The following CSMD3 variants were observed in gnomAD, a reference collection of about 807,000 sequenced individuals.
CSMD3 encodes CUB and sushi domain-containing protein 3.
CSMD3 carries 177 observed loss-of-function variants against 435.2 expected under a neutral mutation model. The observed-to-expected ratio is 0.41, with a 90% confidence interval of 0.36 to 0.46. The LOEUF (loss-of-function observed/expected upper bound fraction) is 0.46, where lower values mean the gene tolerates loss of function less well. Among genes scored for constraint, CSMD3 ranks in the 20% least tolerant of loss-of-function variants. CSMD3 has a pLI of 0.34. For synonymous variants in CSMD3, 1,656 were observed against 1,520.5 expected (o/e 1.09, Z -2.07); for missense variants, 4,265 against 4,504.6 (o/e 0.95, Z 1.52).
intron 10 of CSMD3, among the ~76,000 whole-genome samples, chr8:112,870,985 G>A (rs1010136979): frequency 6.6e-6 from 1 of 152,024 alleles, no homozygotes. Context: ...CAGTAATTTC[G>A]GAGTTTTTCT....
rs768139354 is a variant in CSMD3, at chr8:112,645,146, C to T, written c.3273G>A (p.Leu1091=). The T allele has an allele frequency of 2.5e-6, 4 of 1,605,204 alleles. No individual in the cohort carries two copies. In the Admixed American group the frequency reaches 6.7e-5, roughly 27 times the overall value. ...PGYPEFYPNS[L]NCTWTVDVTH... ...TTACATCAACAGTCCATGTACAATT[C>T]AGAGAATTTGGATAAAATTCCGGGT... Residue 1091 remains leucine, a synonymous_variant, in exon 20 of 71, where the codon CTG becomes CTA. Transcript: ENST00000297405.
At chr8:112,476,755 G>A (rs1427260567) in intron 31 of CSMD3, among the ~76,000 whole-genome samples, 1 of 152,092 alleles carries the variant, frequency 6.6e-6, no homozygotes, top group African/African-American at 2.4e-5. Context: ...TTCTAGATTT[G>A]CTCTCCCTGA....
chr8:112,420,293 G>C (rs1307309252), intron 32 of CSMD3, among the ~76,000 whole-genome samples: 1 of 151,976 alleles, frequency 6.6e-6, no homozygotes, highest in Non-Finnish European at 1.5e-5. Context: ...CCCCAACCTG[G>C]AGTACTTTTA....
At chr8:112,881,353 G>A (rs566728263) in intron 10 of CSMD3, among the ~76,000 whole-genome samples, 2 of 151,970 alleles carry the variant, frequency 1.3e-5, no homozygotes, top group African/African-American at 4.8e-5. Context: ...ATAATGGAAG[G>A]CATGGTAAAG....
At chr8:113,083,943 A>G (rs948036447) in intron 5 of CSMD3, among the ~76,000 whole-genome samples, 5 of 152,170 alleles carry the variant, frequency 3.3e-5, no homozygotes, top group Non-Finnish European at 5.9e-5. Flanking sequence ...TTTGCCCTCC[A>G]GTCTGGACAA....
intron 5 of CSMD3, among the ~76,000 whole-genome samples, chr8:113,065,809 T>C (rs1275953137): frequency 6.6e-6 from 1 of 152,156 alleles, no homozygotes; most frequent in Non-Finnish European, 1.5e-5. Flanking sequence ...AGTTATTAAT[T>C]AGGTTCACAA....
chr8:112,267,786 C>T (rs931522641), intron 59 of CSMD3, among the ~76,000 whole-genome samples: 1 of 152,116 alleles, frequency 6.6e-6, no homozygotes, highest in Non-Finnish European at 1.5e-5. Context: ...AAATGCGTGA[C>T]AACAAAAGCT....
chr8:113,014,656 C>T (rs1332138526), intron 6 of CSMD3, among the ~76,000 whole-genome samples: 1 of 152,056 alleles, frequency 6.6e-6, no homozygotes, highest in Non-Finnish European at 1.5e-5. Context: ...TGAAATATTA[C>T]AACACATTAT....
intron 1 of CSMD3, among the ~76,000 whole-genome samples, chr8:113,368,058 A>G (rs1454273230): frequency 6.6e-6 from 1 of 152,144 alleles, no homozygotes; most frequent in African/African-American, 2.4e-5. Flanking sequence ...TTGAATAAAG[A>G]ATGAAAAAAT....
At chr8:112,590,315 G>A in intron 22 of CSMD3, among the ~76,000 whole-genome samples, 1 of 151,984 alleles carries the variant, frequency 6.6e-6, no homozygotes, top group East Asian at 1.9e-4. Context: ...GTCCTGAATA[G>A]CCAGGAAAGA....
At position 112,254,342 on chromosome 8, in the gene CSMD3, A is replaced by G; in HGVS notation, c.10037-16T>C. On this transcript the variant is annotated splice_polypyrimidine_tract_variant and intron_variant, in intron 62 of 70. Transcript: ENST00000297405. The stretch of plus-strand genomic sequence containing the variant: ...TGGGTAGGCTCTAAAATGAAGATTA[A>G]AAAGATATTAGTCCTTTAAAATTTA... 1 of 1,570,040 alleles carries G rather than the reference A, an allele frequency of 6.4e-7. No individual in the cohort carries two copies. Among genetic ancestry groups the G allele is most frequent in the Admixed American group, 1.7e-5 (1 of 59,926 alleles).
chr8:113,404,536 T>A (rs1285125036), intron 1 of CSMD3, among the ~76,000 whole-genome samples: 1 of 151,334 alleles, frequency 6.6e-6, no homozygotes, highest in East Asian at 1.9e-4. Flanking sequence ...TAGAGAGAGA[T>A]TATATAGAAT....
At chr8:112,494,339 G>C (rs1468944502) in intron 30 of CSMD3, among the ~76,000 whole-genome samples, 1 of 79,718 alleles carries the variant, frequency 1.3e-5, no homozygotes, top group Non-Finnish European at 2.7e-5. Flanking sequence ...CCTTTCTTTT[G>C]TTCTTTCGTT....
chr8:112,529,757 T>A (rs933746617), intron 27 of CSMD3, among the ~76,000 whole-genome samples: 1 of 152,054 alleles, frequency 6.6e-6, no homozygotes, highest in African/African-American at 2.4e-5. Flanking sequence ...AATACACATA[T>A]GCCAATGCAG....
chr8:112,803,035 A>C (rs2078996317), intron 12 of CSMD3, among the ~76,000 whole-genome samples: 1 of 152,096 alleles, frequency 6.6e-6, no homozygotes, highest in Non-Finnish European at 1.5e-5. Flanking sequence ...CAAACCTTTC[A>C]GAATTTGTTA....
At chr8:113,073,704 C>CT (rs557073307) in intron 5 of CSMD3, among the ~76,000 whole-genome samples, 185 of 148,038 alleles carry the variant, frequency 1.2e-3, no homozygotes, top group Admixed American at 2.7e-3. Context: ...TCTCACAATT[C>CT]TTTTTTTTTT....
At chr8:113,196,391 C>A (rs1288426328) in intron 3 of CSMD3, among the ~76,000 whole-genome samples, 1 of 151,112 alleles carries the variant, frequency 6.6e-6, no homozygotes, top group African/African-American at 2.4e-5. Flanking sequence ...GAAAGGTGGG[C>A]AGATTGGGGT....
At chr8:112,478,138 A>G (rs1819255347) in intron 31 of CSMD3, among the ~76,000 whole-genome samples, 1 of 152,174 alleles carries the variant, frequency 6.6e-6, no homozygotes, top group Non-Finnish European at 1.5e-5. Flanking sequence ...CTACCCAGCC[A>G]TGTGGAACTA....
chr8:112,420,037 AT>A (rs546400449), intron 32 of CSMD3, among the ~76,000 whole-genome samples: 70 of 151,536 alleles, frequency 4.6e-4, no homozygotes, highest in African/African-American at 1.7e-3. Context: ...CACCTTTCAT[AT>A]TTTTTTTTAC....
Sources: allele counts gnomAD v4.1 joint callset (sites outside exome capture counted in the v4.1 genomes callset), GRCh38; gene constraint gnomAD v4.1.1; transcripts MANE v1.5; gene names NCBI Gene and HGNC (gene_info 2026-07-23, HGNC 2026-07-21).